NUP214: variants seen among roughly 807,000 people sequenced by gnomAD.
NUP214 encodes the protein nuclear pore complex protein Nup214.
Under a neutral mutation model 196.2 loss-of-function variants are expected in NUP214, and 79 were observed. That is an observed-to-expected ratio of 0.40 (90% CI 0.34 to 0.49). NUP214 has a LOEUF of 0.49. Ranked by LOEUF, NUP214 falls within the 20% of genes least tolerant of loss-of-function variation. NUP214 has a pLI of 0.58. For synonymous variants in NUP214, 1,020 were observed against 990.5 expected, an observed-to-expected ratio of 1.03 and a Z score of -0.56; for missense variants, 2,468 against 2,539.0, an observed-to-expected ratio of 0.97 and a Z score of 0.60.
intron 24 of NUP214, 178 bp from the exon 25 acceptor site, chr9:131,187,111 G>A (rs1588153567): frequency 1.7e-6 from 1 of 580,602 alleles, no homozygotes; most frequent in East Asian, 2.9e-5. Context: ...AAAACCCAAA[G>A]TTCATTTTTA....
intron 24 of NUP214, among the ~76,000 whole-genome samples, chr9:131,180,438 T>G (rs1833241656): frequency 1.3e-5 from 2 of 152,266 alleles, no homozygotes; most frequent in African/African-American, 4.8e-5. Flanking sequence ...TTTTTAAAAT[T>G]ATTTTCAGCC....
intron 21 of NUP214, 72 bp from the exon 22 acceptor site, chr9:131,173,983 A>G (rs1833029329): frequency 6.6e-7 from 1 of 1,515,964 alleles, no homozygotes; most frequent in South Asian, 1.2e-5. Flanking sequence ...TTTTTTATCA[A>G]CAGTGAAAAT....
chr9:131,175,669 C>T (rs989638678), intron 23 of NUP214, 48 bp downstream of exon 23: 2 of 1,588,592 alleles, frequency 1.3e-6, no homozygotes. Flanking sequence ...TATGAGCTGT[C>T]TGAGTCACAG....
intron 30 of NUP214, among the ~76,000 whole-genome samples, chr9:131,204,864 C>T (rs1050472442): frequency 6.6e-6 from 1 of 152,078 alleles, no homozygotes; most frequent in African/African-American, 2.4e-5. Flanking sequence ...CTGAAGAACA[C>T]CAAAGATGAA....
chr9:131,152,287 A>G (rs1002506346), intron 17 of NUP214, among the ~76,000 whole-genome samples: 3 of 151,866 alleles, frequency 2.0e-5, no homozygotes, highest in African/African-American at 7.3e-5. Flanking sequence ...CTAATTTTTA[A>G]TATTTTATTT....
In NUP214 at chr9:131,232,159, TAGGTGGTGGAGGCACGGAGG is replaced by T; in HGVS notation, c.6215-124_6215-105del. 1.1e-6 allele frequency: 1 copy of T among 900,848 alleles called. No homozygotes were observed. The highest frequency in any genetic ancestry group is 1.9e-6 in the Non-Finnish European group (1 of 534,500). 55.8% of individuals were successfully genotyped at this position (900,848 alleles called of 1,614,324 possible). ...TGTGTGTACCTTTCCTGCCTTCCTG[TAGGTGGTGGAGGCACGGAGG>T]GCTTCCCACAAGAAGCACAGAGGAG... On this transcript the variant is annotated intron_variant, in intron 34 of 35. Coordinates refer to ENST00000359428, the MANE Select transcript of NUP214 (RefSeq NM_005085.4). The surrounding 1 kb of genome is among the most constrained non-coding windows in gnomAD (Gnocchi z 5.1).
chr9:131,159,924 C>G (rs889721693), intron 18 of NUP214, among the ~76,000 whole-genome samples: 3 of 151,084 alleles, frequency 2.0e-5, no homozygotes, highest in Non-Finnish European at 4.4e-5. Context: ...AGTCATTCTA[C>G]TTGAAATATT....
At position 131,232,204 on chromosome 9, in the gene NUP214, G is replaced by C; in HGVS notation, c.6215-80G>C. ...GGCTTCCCACAAGAAGCACAGAGGA[G>C]GGCAGACACTTAGCATGGGGACCAC... On this transcript the variant is annotated intron_variant, in intron 34 of 35. Coordinates refer to ENST00000359428, the MANE Select transcript of NUP214 (RefSeq NM_005085.4). This position sits in a 1 kb window ranked among gnomAD's most constrained non-coding sequence, Gnocchi z 5.1. 2 of 1,480,520 alleles carry C rather than the reference G, an allele frequency of 1.4e-6. No individual in the cohort carries two copies. The highest frequency in any genetic ancestry group is 1.9e-6 in the Non-Finnish European group (2 of 1,058,178). 91.7% of individuals were successfully genotyped at this position (1,480,520 alleles called of 1,614,324 possible).
intron 30 of NUP214, among the ~76,000 whole-genome samples, chr9:131,202,359 G>A (rs979289741): frequency 7.2e-5 from 11 of 152,104 alleles, no homozygotes; most frequent in African/African-American, 2.7e-4. Context: ...TTGTGTGTGT[G>A]TGTCTATATG....
chr9:131,198,303 T>C lies in NUP214; in HGVS notation c.4809T>C (p.Ser1603=). The change falls in exon 29 of 36, where the codon AGT becomes AGC. Residue 1603 remains serine (S), a synonymous_variant. Coordinates refer to ENST00000359428, the MANE Select transcript of NUP214 (RefSeq NM_005085.4). ...CTGTCACAGCAGCTGCTATCTCAAGTGCAGGCCCTGTGGCCGTCGAAACAT... is the reference window on the plus strand; with the variant it reads ...CTGTCACAGCAGCTGCTATCTCAAGCGCAGGCCCTGTGGCCGTCGAAACAT... The part of the protein sequence containing the change: ...QTAVTAAAIS[S]AGPVAVETSS... The C allele has an allele frequency of 6.2e-7, 1 of 1,614,216 alleles. No homozygotes were observed. The highest frequency in any genetic ancestry group is 8.5e-7 in the Non-Finnish European group (1 of 1,180,034).
At chr9:131,136,950 C>T (rs1385816398) in intron 9 of NUP214, 1 of 152,240 alleles carries the variant, frequency 6.6e-6, no homozygotes, top group Non-Finnish European at 1.5e-5. Flanking sequence ...CTTTGTGCTC[C>T]ACCCATACAT....
intron 22 of NUP214, among the ~76,000 whole-genome samples, chr9:131,174,914 CAG>C (rs1833072423): frequency 6.6e-6 from 1 of 152,192 alleles, no homozygotes; most frequent in African/African-American, 2.4e-5. Context: ...TTTTTTAAAA[CAG>C]ATCTTTTTCA....
At chr9:131,193,241 A>G (rs913672529) in intron 27 of NUP214, among the ~76,000 whole-genome samples, 68 of 151,978 alleles carry the variant, frequency 4.5e-4, no homozygotes, top group Non-Finnish European at 3.2e-4. Context: ...CTGCTGAAGC[A>G]TTGGGTTAGA....
At chr9:131,173,493 A>T (rs1451790658) in intron 21 of NUP214, among the ~76,000 whole-genome samples, 1 of 151,010 alleles carries the variant, frequency 6.6e-6, no homozygotes, top group Non-Finnish European at 1.5e-5. Context: ...CAATCTCCCA[A>T]AGTGCTGGGA....
Position 131,195,289 on chromosome 9 carries a change from C to T in NUP214, c.3716C>T (p.Ala1239Val). 6.2e-7 allele frequency: 1 copy of T among 1,612,376 alleles called. No homozygotes were observed. The highest frequency in any genetic ancestry group is 8.5e-7 in the Non-Finnish European group (1 of 1,178,404). Residue 1239 changes from alanine to valine, a missense_variant, in exon 28 of 36, where the codon GCA becomes GTA. By Grantham distance (64) the Ala-to-Val change is moderately conservative (BLOSUM62 0). Transcript: ENST00000359428. ...TPTPSSNFTA[A>V]QGATPSTKES... is the part of the protein sequence containing the mutation. Reference sequence around the variant, plus strand: ...ACACCGTCTTCTAATTTCACTGCTGCACAAGGTACAGACTCTGTGTTGAGT... The same window carrying T: ...ACACCGTCTTCTAATTTCACTGCTGTACAAGGTACAGACTCTGTGTTGAGT...
Position 131,197,477 on chromosome 9 carries a change from G to C in NUP214, c.3983G>C (p.Gly1328Ala). 1 of 1,614,154 alleles carries C rather than the reference G, an allele frequency of 6.2e-7. No individual in the cohort carries two copies. The highest frequency in any genetic ancestry group is 8.5e-7 in the Non-Finnish European group (1 of 1,180,024). ...CTTCTGTTTCCAAGTTCTTTGGCTGGAGAGACTCTGGGAAGTTTTTCAGGA... is the reference window on the plus strand; with the variant it reads ...CTTCTGTTTCCAAGTTCTTTGGCTGCAGAGACTCTGGGAAGTTTTTCAGGA... ...GELLFPSSLAGETLGSFSGLR... is the reference protein window; with the variant it reads ...GELLFPSSLAAETLGSFSGLR... Residue 1328 changes from glycine (G) to alanine (A), a missense_variant, in exon 29 of 36, where the codon GGA becomes GCA. Physicochemically the swap from Gly to Ala is moderately conservative, Grantham distance 60 (BLOSUM62 0). Around this residue, in one of 5 missense-constraint regions of NUP214, gnomAD observed 1,801 missense variants for 1,779.4 expected, o/e 1.01. Transcript: ENST00000359428.
intron 7 of NUP214, 27 bp from the exon 8 acceptor site, chr9:131,134,871 T>C: frequency 6.6e-7 from 1 of 1,511,254 alleles, no homozygotes; most frequent in Non-Finnish European, 9.1e-7. Context: ...CACATGAGAA[T>C]TTTTTTTCTT....
chr9:131,146,229 C>G lies in NUP214; in HGVS notation c.1870C>G (p.Leu624Val), dbSNP rs773452416. ...SASKPAASGP[L>V]SHPTPLSAPP... Reference sequence around the variant, plus strand: ...CTCCAAGCCAGCTGCTTCTGGACCACTCAGCCACCCCACACCTCTCTCAGC... The same window carrying G: ...CTCCAAGCCAGCTGCTTCTGGACCAGTCAGCCACCCCACACCTCTCTCAGC... Residue 624 changes from leucine (L) to valine (V), a missense_variant, in exon 13 of 36, where the codon CTC becomes GTC. By Grantham distance (32) the Leu-to-Val change is conservative (BLOSUM62 1). Around this residue, in one of 5 missense-constraint regions of NUP214, gnomAD observed 1,801 missense variants for 1,779.4 expected, o/e 1.01. Transcript: ENST00000359428. This position sits in a 1 kb window ranked among gnomAD's most constrained non-coding sequence, Gnocchi z 4.6. 6 of 1,614,168 alleles carry G rather than the reference C, an allele frequency of 3.7e-6. No homozygotes were observed. The highest frequency in any genetic ancestry group is 5.1e-6 in the Non-Finnish European group (6 of 1,180,016).
At chr9:131,214,707 T>C (rs2131078957) in intron 30 of NUP214, among the ~76,000 whole-genome samples, 1 of 152,318 alleles carries the variant, frequency 6.6e-6, no homozygotes, top group African/African-American at 2.4e-5. Flanking sequence ...GAAGCTAATT[T>C]AAGCTTACTT....
Sources: allele counts gnomAD v4.1 joint callset (sites outside exome capture counted in the v4.1 genomes callset), GRCh38; gene constraint gnomAD v4.1.1; regional missense constraint gnomAD v4.1.1; non-coding constraint Gnocchi (gnomAD v3.1); transcripts MANE v1.5; gene names NCBI Gene and HGNC (gene_info 2026-07-23, HGNC 2026-07-21).